KRT27: variants seen among roughly 807,000 people sequenced by gnomAD.
KRT27 encodes keratin, type I cytoskeletal 27.
KRT27 carries 30 observed loss-of-function variants against 45.3 expected under a neutral mutation model. That is an observed-to-expected ratio of 0.66 (90% CI 0.50 to 0.90). The LOEUF (loss-of-function observed/expected upper bound fraction) is 0.90, where lower values mean the gene tolerates loss of function less well. Ranked by LOEUF, KRT27 falls within the 40% of genes least tolerant of loss-of-function variation. The pLI is 0.00. For synonymous variants in KRT27, 204 were observed against 223.9 expected (o/e 0.91, Z 0.79); for missense variants, 610 against 564.3 (o/e 1.08, Z -0.82).
At chr17:40,778,763 T>A (rs2038285078) in intron 5 of KRT27, among the ~76,000 whole-genome samples, 1 of 152,162 alleles carries the variant, frequency 6.6e-6, no homozygotes, top group African/African-American at 2.4e-5. Flanking sequence ...CTTAATTGAG[T>A]GGCCAAAAGG....
In KRT27 at chr17:40,782,105, C is replaced by G. The variant is rs2038317437; in HGVS notation, c.389G>C (p.Gly130Ala). The change falls in exon 1 of 8, where the codon GGC becomes GCC. Residue 130 changes from glycine (G) to alanine (A), a missense_variant. Transcript: ENST00000301656. Reference sequence around the variant, plus strand: ...ATATCTGCTGTAATCATGATCAAGGCCACGGCAAGAACCAGGTCCAAATTT... The same window carrying G: ...ATATCTGCTGTAATCATGATCAAGGGCACGGCAAGAACCAGGTCCAAATTT... Reference protein sequence around the residue: ...YEKFGPGSCRGLDHDYSRYFP... With the variant: ...YEKFGPGSCRALDHDYSRYFP... 3 of 1,613,996 alleles carry G rather than the reference C, an allele frequency of 1.9e-6. No individual in the cohort carries two copies. The highest frequency in any genetic ancestry group is 1.7e-6 in the Non-Finnish European group (2 of 1,180,024).
chr17:40,779,067 A>G (rs959603888), intron 5 of KRT27, among the ~76,000 whole-genome samples: 1 of 152,230 alleles, frequency 6.6e-6, no homozygotes, highest in Admixed American at 6.5e-5. Flanking sequence ...AGTACTATAG[A>G]ACACTTGAAC....
chr17:40,777,072 G>A lies in KRT27; in HGVS notation c.1307C>T (p.Ser436Leu), dbSNP rs1396286280. The A allele has an allele frequency of 1.2e-6, 2 of 1,614,044 alleles. No homozygotes were observed. Among genetic ancestry groups the A allele is most frequent in the Non-Finnish European group, 1.7e-6 (2 of 1,179,918 alleles). The change falls in exon 8 of 8, where the codon TCA (serine) becomes TTA (leucine). Residue 436 changes from serine (S) to leucine (L), a missense_variant. Transcript: ENST00000301656. ...CTCTTCCACAGTGTGAACTCTGGAT[G>A]AGAGAACTTTGCCACGAGGATCTAT... ...EEIDPRGKVL[S>L]SRVHTVEEKS...
Position 40,779,331 on chromosome 17 carries a change from A to G in KRT27, c.972+171T>C, listed in dbSNP as rs547550498. 2.6e-5 allele frequency among the ~76,000 whole-genome samples: 4 copies of G among 152,376 alleles called. No individual in the cohort carries two copies. The East Asian group carries it at 5.8e-4, about 22-fold the overall frequency. ...ATTTCATAATTATTGGCATCCAGCT[A>G]TACTTTGTAGGCAAAGAGGATTGTC... On this transcript the variant is annotated intron_variant, in intron 5 of 7. Transcript: ENST00000301656.
Position 40,779,707 on chromosome 17 carries a change from T to C in KRT27, c.839A>G (p.Asn280Ser), listed in dbSNP as rs774757256. ...ACCCAAGCGTGGTTTTACCTTTTCGTTGAACCAGGCCTCCGCGTCCCTGCG... is the reference window on the plus strand; with the variant it reads ...ACCCAAGCGTGGTTTTACCTTTTCGCTGAACCAGGCCTCCGCGTCCCTGCG... ...QNRRDAEAWFNEKSASLQQQI... is the reference protein window; with the variant it reads ...QNRRDAEAWFSEKSASLQQQI... The change falls in exon 4 of 8, where the codon AAC becomes AGC. Residue 280 changes from asparagine (N) to serine (S), a missense_variant. Coordinates refer to ENST00000301656, the MANE Select transcript of KRT27 (RefSeq NM_181537.4). 6.8e-6 allele frequency: 11 copies of C among 1,613,758 alleles called. No homozygotes were observed. In the South Asian group the frequency reaches 9.9e-5, roughly 14 times the overall value.
rs535744409 is a variant in KRT27, at chr17:40,781,419, G to A, written c.445-149C>T. 207 of 567,348 alleles carry A rather than the reference G, an allele frequency of 3.6e-4. 5 individuals carry two copies. The South Asian group carries it at 4.2e-3, about 11-fold the overall frequency. The allele number at this position is 567,348 out of a possible 1,614,324, so 35.1% of individuals were successfully genotyped here. On this transcript the variant is annotated intron_variant, in intron 1 of 7. Coordinates refer to ENST00000301656, the MANE Select transcript of KRT27 (RefSeq NM_181537.4). ...ATTCTTTTGAAGATGGGTAATTTAAGTATGGTCTCTCTCTCTGTCTTTTAT... is the reference window on the plus strand; with the variant it reads ...ATTCTTTTGAAGATGGGTAATTTAAATATGGTCTCTCTCTCTGTCTTTTAT...
intron 3 of KRT27, among the ~76,000 whole-genome samples, 194 bp downstream of exon 3, chr17:40,780,106 G>C (rs1055534291): frequency 6.6e-6 from 1 of 151,894 alleles, no homozygotes; most frequent in African/African-American, 2.4e-5. Flanking sequence ...AGATCTATAG[G>C]GTTAGAAACT....
At position 40,777,037 on chromosome 17, in the gene KRT27, T is replaced by A; in HGVS notation, c.1342A>T (p.Lys448Ter). The part of the protein sequence containing the change: ...RVHTVEEKST[K>*]VNNKNEQRVS... The stretch of plus-strand genomic sequence containing the variant: ...CTCTGTTCATTCTTGTTGTTGACTT[T>A]GGTGGATTTCTCTTCCACAGTGTGA... Residue 448 changes from lysine (K) to a stop codon, truncating the protein, a stop_gained, in exon 8 of 8, where the codon AAA (lysine) becomes TAA (stop). Coordinates refer to ENST00000301656, the MANE Select transcript of KRT27 (RefSeq NM_181537.4). LOFTEE classifies it high-confidence loss of function. 1 of 1,613,804 alleles carries A rather than the reference T, an allele frequency of 6.2e-7. No individual in the cohort carries two copies. The highest frequency in any genetic ancestry group is 8.5e-7 in the Non-Finnish European group (1 of 1,179,680).
chr17:40,777,441 A>G, intron 6 of KRT27, 74 bp downstream of exon 6: 1 of 1,567,510 alleles, frequency 6.4e-7, no homozygotes. Flanking sequence ...GATCATAGAT[A>G]TTTTGTACTT....
chr17:40,777,301 A>T lies in KRT27; in HGVS notation c.1192T>A (p.Ser398Thr). The change falls in exon 7 of 8, where the codon TCC becomes ACC. Residue 398 changes from serine (S) to threonine (T), a missense_variant and splice_region_variant. Ser to Thr is a moderately conservative substitution (Grantham distance 58, BLOSUM62 1). Transcript: ENST00000301656. ...YCLLIDGEDG[S>T]CSKSKGYGGP... ...CCATAGCCTTTTGATTTAGAACAGG[A>T]GCTGTAAAAGTATAGAGCGCTTATA... 1.9e-6 allele frequency: 3 copies of T among 1,611,698 alleles called. No homozygotes were observed. The highest frequency in any genetic ancestry group is 2.5e-6 in the Non-Finnish European group (3 of 1,179,366).
intron 1 of KRT27, 57 bp downstream of exon 1, chr17:40,781,993 C>T: frequency 6.8e-7 from 1 of 1,467,374 alleles, no homozygotes; most frequent in Non-Finnish European, 9.3e-7. Context: ...ATTTGTGCAT[C>T]TGTGAGTGGC....
At chr17:40,779,354 G>C (rs2038289568) in intron 5 of KRT27, 148 bp downstream of exon 5, 9 of 953,390 alleles carry the variant, frequency 9.4e-6, no homozygotes, top group Non-Finnish European at 1.4e-5. Flanking sequence ...AAAGAGGATT[G>C]TCATGTGCAA....
chr17:40,782,425 G>C lies in KRT27; in HGVS notation c.69C>G (p.Leu23=), dbSNP rs779265188. The change falls in exon 1 of 8, where the codon CTC becomes CTG. Residue 23 remains leucine, a synonymous_variant. Transcript: ENST00000301656. ...GSCGGTGSVR[L]SSGGAGFGAG... is the part of the protein sequence containing the mutation. ...CCCCAAAGCCTGCTCCCCCACTAGAGAGCCTCACAGAGCCAGTGCCCCCGC... is the reference window on the plus strand; with the variant it reads ...CCCCAAAGCCTGCTCCCCCACTAGACAGCCTCACAGAGCCAGTGCCCCCGC... The C allele has an allele frequency of 1.7e-5, 28 of 1,610,984 alleles. No homozygotes were observed. The highest frequency in any genetic ancestry group is 2.3e-5 in the Non-Finnish European group (27 of 1,178,638).
rs200405693 is a variant in KRT27 at position 40,777,659 on chromosome 17, T to G, written c.1046A>C (p.Gln349Pro). ...CAGCTGCTCCTCCAGGGCCCCGATC[T>G]GAGCCTGGATCTGTGCCAGCTGTGC... ...YCAQLAQIQA[Q>P]IGALEEQLHQ... is the part of the protein sequence containing the mutation. The change falls in exon 6 of 8, where the codon CAG becomes CCG. Residue 349 changes from glutamine (Q) to proline (P), a missense_variant. Coordinates refer to ENST00000301656, the MANE Select transcript of KRT27 (RefSeq NM_181537.4). 6.2e-7 allele frequency: 1 copy of G among 1,614,172 alleles called. No individual in the cohort carries two copies. Among genetic ancestry groups the G allele is most frequent in the African/African-American group, 1.3e-5 (1 of 75,040 alleles).
rs1355957551 is a variant in KRT27, at chr17:40,776,874, A to G, written c.*125T>C. The stretch of plus-strand genomic sequence containing the variant: ...GAGAAAAAGCCAAAGAAATGGTACT[A>G]TTCTAAAAATAACTTGTCTTAATTC... On this transcript the variant is annotated 3_prime_UTR_variant, in exon 8 of 8. Coordinates refer to ENST00000301656, the MANE Select transcript of KRT27 (RefSeq NM_181537.4). 4 of 839,106 alleles carry G rather than the reference A, an allele frequency of 4.8e-6. No individual in the cohort carries two copies. The highest frequency in any genetic ancestry group is 7.3e-6 in the Non-Finnish European group (4 of 545,666). The allele number at this position is 839,106 out of a possible 1,614,324, so 52.0% of individuals were successfully genotyped here.
At position 40,782,502 on chromosome 17, in the gene KRT27, G is replaced by A; in HGVS notation, c.-9C>T. ...GAAAAGCGCACAGACATGGTGTCCG[G>A]AGGCTGGAGCCTTTGTTTCTGCGGT... is the stretch of plus-strand genomic sequence containing the variant. On this transcript the variant is annotated 5_prime_UTR_variant, in exon 1 of 8. Transcript: ENST00000301656. 6.5e-7 allele frequency: 1 copy of A among 1,530,980 alleles called. No individual in the cohort carries two copies. The highest frequency in any genetic ancestry group is 8.8e-7 in the Non-Finnish European group (1 of 1,138,404). 94.8% of individuals were successfully genotyped at this position (1,530,980 alleles called of 1,614,324 possible).
Position 40,776,990 on chromosome 17 carries a change from G to C in KRT27, c.*9C>G, listed in dbSNP as rs777424180. The C allele has an allele frequency of 3.8e-6, 6 of 1,599,188 alleles. No individual in the cohort carries two copies. The highest frequency in any genetic ancestry group is 5.1e-6 in the Non-Finnish European group (6 of 1,169,184). On this transcript the variant is annotated 3_prime_UTR_variant, in exon 8 of 8. Coordinates refer to ENST00000301656, the MANE Select transcript of KRT27 (RefSeq NM_181537.4). ...AATTTGGGGGCCATTCTGTCTCAGA[G>C]GCTGGAGTTCAGGAAGACACCCTCT...
intron 5 of KRT27, among the ~76,000 whole-genome samples, chr17:40,778,524 T>C (rs2038283303): frequency 6.6e-6 from 1 of 152,238 alleles, no homozygotes; most frequent in Non-Finnish European, 1.5e-5. Flanking sequence ...GGGAATTGCT[T>C]AACTTCTTCG....
At position 40,782,208 on chromosome 17, in the gene KRT27, C is replaced by A; in HGVS notation, c.286G>T (p.Ala96Ser). ...GCTCGAACATTCTCCAGGTAGGAGG[C>A]CAAGCGGTCGTTGAGGTTCTGCATG... The part of the protein sequence containing the change: ...VTMQNLNDRL[A>S]SYLENVRALE... The change falls in exon 1 of 8, where the codon GCC (alanine) becomes TCC (serine). Residue 96 changes from alanine (A) to serine (S), a missense_variant. Transcript: ENST00000301656. 6.2e-7 allele frequency: 1 copy of A among 1,614,220 alleles called. No individual in the cohort carries two copies. Among genetic ancestry groups the A allele is most frequent in the South Asian group, 1.1e-5 (1 of 91,080 alleles).
Sources: gnomAD v4.1 joint callset for allele counts (sites outside exome capture counted in the v4.1 genomes callset) on GRCh38, gnomAD v4.1.1 for gene constraint, MANE v1.5 for transcripts, NCBI Gene and HGNC (gene_info 2026-07-23, HGNC 2026-07-21) for gene names.